Variants in RFX3 observed in about 807,000 individuals in gnomAD.
RFX3 encodes regulatory factor X3.
In RFX3, 14 loss-of-function variants were observed where a neutral mutation model predicts 98.6. The ratio of observed to expected loss-of-function variants is 0.14; its 90% CI spans 0.09 to 0.22. RFX3 has a LOEUF of 0.22. Among genes scored for constraint, RFX3 ranks in the 10% least tolerant of loss-of-function variants. The pLI, the probability that RFX3 is intolerant of heterozygous loss-of-function variation, is 1.00. For missense variants in RFX3, 639 were observed against 926.9 expected (o/e 0.69, Z 4.03); for synonymous variants, 383 against 328.4 (o/e 1.17, Z -1.80).
At chr9:3,245,582 G>C (rs984923309) in intron 15 of RFX3, among the ~76,000 whole-genome samples, 3 of 152,144 alleles carry the variant, frequency 2.0e-5, no homozygotes, top group African/African-American at 7.2e-5. Flanking sequence ...TGGGAGTCAA[G>C]ATAGAAGGAC....
intron 3 of RFX3, among the ~76,000 whole-genome samples, chr9:3,331,675 T>C (rs753903801): frequency 6.6e-5 from 10 of 152,172 alleles, no homozygotes; most frequent in East Asian, 1.9e-4. Context: ...AAGAGCCTTT[T>C]GGAATCTCCA....
chr9:3,442,258 T>C (rs1845672569), intron 1 of RFX3, among the ~76,000 whole-genome samples: 1 of 151,964 alleles, frequency 6.6e-6, no homozygotes, highest in Admixed American at 6.6e-5. Context: ...AATATTACCT[T>C]AGGTAATCAA....
At chr9:3,406,685 A>T (rs1168890505) in intron 1 of RFX3, among the ~76,000 whole-genome samples, 2 of 152,182 alleles carry the variant, frequency 1.3e-5, no homozygotes, top group African/African-American at 2.4e-5. Flanking sequence ...ATGCTGCACC[A>T]GAGGCATATT....
chr9:3,349,985 G>C (rs566636479), intron 2 of RFX3, among the ~76,000 whole-genome samples: 1 of 151,986 alleles, frequency 6.6e-6, no homozygotes, highest in Non-Finnish European at 1.5e-5. Context: ...GAAGACAAAT[G>C]AGCATCCAAA....
Position 3,223,174 on chromosome 9 carries a change from T to C in RFX3, c.*1868A>G, listed in dbSNP as rs1204018369. The C allele has an allele frequency of 1.3e-5, 2 of 152,194 alleles. No homozygotes were observed. The highest frequency in any genetic ancestry group is 2.9e-5 in the Non-Finnish European group (2 of 68,028). The allele number at this position is 152,194 out of a possible 1,614,324, so 9.4% of individuals were successfully genotyped here. A position where few individuals can be genotyped will look rare whatever the true frequency, so the allele number is the denominator to read the frequency against. On this transcript the variant is annotated 3_prime_UTR_variant, in exon 17 of 17. Coordinates refer to ENST00000617270, the MANE Select transcript of RFX3 (RefSeq NM_001282116.2). The stretch of plus-strand genomic sequence containing the variant: ...TTTGTGCTTTCCTTTTTTTTGGCTT[T>C]ATTATCTATTTATTTTTGCTGATTA...
rs145373369 is a variant in RFX3 at position 3,254,491 on chromosome 9, A to G, written c.1814+2500T>C. 7.5e-4 allele frequency among the ~76,000 whole-genome samples: 114 copies of G among 152,080 alleles called. 1 individual carries two copies. The East Asian group carries it at 0.011, about 15-fold the overall frequency. On this transcript the variant is annotated intron_variant, in intron 14 of 16. Transcript: ENST00000617270. Reference sequence around the variant, plus strand: ...CACTTACGTTGTTATCTGGGAAAAAACTTGATGAATAAAAAGAAACTGTTG... The same window carrying G: ...CACTTACGTTGTTATCTGGGAAAAAGCTTGATGAATAAAAAGAAACTGTTG...
chr9:3,233,637 AAG>A (rs1379912013), intron 15 of RFX3, among the ~76,000 whole-genome samples: 1 of 152,174 alleles, frequency 6.6e-6, no homozygotes, highest in African/African-American at 2.4e-5. Context: ...TCCCTGCTGG[AAG>A]AGTTTACCCC....
intron 1 of RFX3, among the ~76,000 whole-genome samples, chr9:3,515,930 G>C (rs1176680381): frequency 6.6e-6 from 1 of 152,050 alleles, no homozygotes; most frequent in Non-Finnish European, 1.5e-5. Flanking sequence ...TGGTAAAAGA[G>C]TTGAGTTACA....
intron 2 of RFX3, among the ~76,000 whole-genome samples, chr9:3,359,117 T>A (rs994232258): frequency 2.0e-5 from 3 of 151,474 alleles, no homozygotes; most frequent in African/African-American, 7.3e-5. Flanking sequence ...TTGGTGAAAG[T>A]AAGAAATGGA....
rs75502110 is a variant in RFX3, at chr9:3,261,608, C to T, written c.1605+1327G>A. 8.0e-3 allele frequency among the ~76,000 whole-genome samples: 1,217 copies of T among 152,130 alleles called. 15 individuals carry two copies. Among genetic ancestry groups the T allele is most frequent in the African/African-American group, 0.028 (1,154 of 41,520 alleles). On this transcript the variant is annotated intron_variant, in intron 13 of 16. Coordinates refer to ENST00000617270, the MANE Select transcript of RFX3 (RefSeq NM_001282116.2). ...CTAATATAAATAGTGCTGTTATGAACCTCTATGTATAAGTTTTGTGTGGAC... is the reference window on the plus strand; with the variant it reads ...CTAATATAAATAGTGCTGTTATGAATCTCTATGTATAAGTTTTGTGTGGAC...
At chr9:3,471,961 T>C (rs1389035643) in intron 1 of RFX3, among the ~76,000 whole-genome samples, 1 of 152,262 alleles carries the variant, frequency 6.6e-6, no homozygotes, top group African/African-American at 2.4e-5. Context: ...GGTTTTCTAC[T>C]CGTGGCTGAC....
intron 2 of RFX3, among the ~76,000 whole-genome samples, chr9:3,378,555 C>CTTTTTTT (rs869126415): frequency 6.4e-5 from 8 of 125,086 alleles, no homozygotes; most frequent in East Asian, 2.3e-4. Flanking sequence ...TTTTTTCTTT[C>CTTTTTTT]TTTTTTTTTT....
intron 1 of RFX3, among the ~76,000 whole-genome samples, chr9:3,505,331 T>TAAAATAAAATATTTTTA (rs1816908961): frequency 4.4e-5 from 4 of 90,770 alleles, no homozygotes; most frequent in African/African-American, 2.3e-4. Flanking sequence ...TATATTTATA[T>TAAAATAAAATATTTTTA]TTTATATAAA....
At chr9:3,318,830 C>T (rs1026948832) in intron 4 of RFX3, among the ~76,000 whole-genome samples, 1 of 152,058 alleles carries the variant, frequency 6.6e-6, no homozygotes, top group Non-Finnish European at 1.5e-5. Flanking sequence ...GCCTAAGAAA[C>T]CTTATAAATT....
chr9:3,420,605 C>T (rs1843362547), intron 1 of RFX3, among the ~76,000 whole-genome samples: 1 of 152,134 alleles, frequency 6.6e-6, no homozygotes, highest in Admixed American at 6.5e-5. Context: ...CTATCTTCCC[C>T]CAAACTAACT....
chr9:3,344,675 G>A, intron 3 of RFX3: 1 of 588,316 alleles, frequency 1.7e-6, no homozygotes, highest in Admixed American at 3.2e-5. Flanking sequence ...ACATTCCCCT[G>A]CAGGTGCCCA....
intron 2 of RFX3, among the ~76,000 whole-genome samples, chr9:3,370,795 G>C (rs1452365059): frequency 6.6e-6 from 1 of 152,042 alleles, no homozygotes; most frequent in Non-Finnish European, 1.5e-5. Flanking sequence ...TTGAGATTAA[G>C]TATTTTACTT....
intron 1 of RFX3, among the ~76,000 whole-genome samples, chr9:3,427,372 GTTA>G (rs1191864491): frequency 0.041 from 5,393 of 130,976 alleles, 423 homozygotes; most frequent in African/African-American, 0.15. Flanking sequence ...AATATATATT[GTTA>G]TTATATAATA....
chr9:3,365,044 G>A (rs1836889586), intron 2 of RFX3, among the ~76,000 whole-genome samples: 1 of 152,174 alleles, frequency 6.6e-6, no homozygotes, highest in Non-Finnish European at 1.5e-5. Flanking sequence ...GCTCACGCCT[G>A]TAATCCCAGC....
Sources: gnomAD v4.1 joint callset for allele counts (sites outside exome capture counted in the v4.1 genomes callset) on GRCh38, gnomAD v4.1.1 for gene constraint, MANE v1.5 for transcripts, NCBI Gene and HGNC (gene_info 2026-07-23, HGNC 2026-07-21) for gene names.